The following HS6ST2 variants were observed in gnomAD, a reference collection of about 807,000 sequenced individuals.
HS6ST2 encodes heparan-sulfate 6-O-sulfotransferase 2.
Under a neutral mutation model 33.0 loss-of-function variants are expected in HS6ST2, and 17 were observed. That is an observed-to-expected ratio of 0.52 (90% CI 0.35 to 0.77). The LOEUF is 0.77. HS6ST2 is among the 30% of genes least tolerant of loss of function. The probability of loss-of-function intolerance (pLI) is 0.01; values close to 1 mark genes in which losing one functional copy is unlikely to be tolerated. For missense variants in HS6ST2, 519 were observed against 551.7 expected, an observed-to-expected ratio of 0.94 and a Z score of 0.59; for synonymous variants, 248 against 237.1, an observed-to-expected ratio of 1.05 and a Z score of -0.42.
chrX:132,785,630 C>T (rs191584978), intron 2 of HS6ST2, among the ~76,000 whole-genome samples: 4 of 111,558 alleles, frequency 3.6e-5, no homozygotes, highest in East Asian at 2.8e-4. Flanking sequence ...TGAATTGAAG[C>T]GCAAAAATAC....
intron 3 of HS6ST2, among the ~76,000 whole-genome samples, chrX:132,686,080 T>C (rs1247799568): frequency 8.9e-6 from 1 of 112,126 alleles, no homozygotes; most frequent in Non-Finnish European, 1.9e-5. Context: ...CAAGCTGAAA[T>C]GTTCCCTGCC....
At chrX:132,886,748 G>GA (rs2066256899) in intron 2 of HS6ST2, among the ~76,000 whole-genome samples, 1 of 111,138 alleles carries the variant, frequency 9.0e-6, no homozygotes, top group Non-Finnish European at 1.9e-5. Context: ...AGAAACAACA[G>GA]AAAAAAGCCT....
At chrX:132,754,722 C>CT (rs1182029616) in intron 2 of HS6ST2, among the ~76,000 whole-genome samples, 332 of 106,955 alleles carry the variant, frequency 3.1e-3, no homozygotes, top group African/African-American at 7.8e-3. Flanking sequence ...GGCCTGCACC[C>CT]TTTTTTTTTG....
At chrX:132,860,635 G>A (rs1189190743) in intron 2 of HS6ST2, among the ~76,000 whole-genome samples, 1 of 111,571 alleles carries the variant, frequency 9.0e-6, no homozygotes, top group Non-Finnish European at 1.9e-5. Flanking sequence ...TTCTGTGACT[G>A]TGTTTCCATT....
intron 4 of HS6ST2, among the ~76,000 whole-genome samples, chrX:132,655,512 G>A (rs1017659357): frequency 9.0e-6 from 1 of 111,394 alleles, no homozygotes; most frequent in African/African-American, 3.3e-5. Flanking sequence ...CTTGTCCAAG[G>A]TACTAGAGCT....
intron 2 of HS6ST2, among the ~76,000 whole-genome samples, chrX:132,767,475 A>G (rs1177357633): frequency 2.7e-5 from 3 of 112,250 alleles, no homozygotes; most frequent in Admixed American, 1.9e-4. Flanking sequence ...TGGGAATAGT[A>G]ATAATTTCCA....
At chrX:132,947,462 A>G (rs763011404) in intron 2 of HS6ST2, among the ~76,000 whole-genome samples, 77 of 111,222 alleles carry the variant, frequency 6.9e-4, no homozygotes, top group Non-Finnish European at 1.4e-3. Context: ...TATTAAGCAT[A>G]TGCAAGTTTA....
At position 132,936,055 on chromosome X, in the gene HS6ST2, T is replaced by C. The variant is rs192449622; in HGVS notation, c.947+20753A>G. Among the ~76,000 whole-genome samples the C allele has an allele frequency of 2.3e-4, 15 of 65,710 alleles. No individual in the cohort carries two copies. The Admixed American group carries it at 2.7e-3, about 12-fold the overall frequency. 57.1% of individuals were successfully genotyped at this position (65,710 alleles called of 115,157 possible). A position where few individuals can be genotyped will look rare whatever the true frequency, so the allele number is the denominator to read the frequency against. On this transcript the variant is annotated intron_variant, in intron 2 of 4. Coordinates refer to ENST00000370833, the MANE Select transcript of HS6ST2 (RefSeq NM_001394073.1). ...TAAATTCCATGAAAACAAAAATGGA[T>C]TCTTTGAAGAGATCAACAAAATTGA...
intron 2 of HS6ST2, among the ~76,000 whole-genome samples, chrX:132,730,343 C>T (rs965215422): frequency 9.0e-6 from 1 of 111,731 alleles, no homozygotes; most frequent in African/African-American, 3.3e-5. Flanking sequence ...CACATTTGGC[C>T]TGTAATGCTC....
intron 2 of HS6ST2, among the ~76,000 whole-genome samples, chrX:132,902,677 T>C (rs2066436188): frequency 1.8e-5 from 2 of 111,790 alleles, no homozygotes; most frequent in Non-Finnish European, 3.8e-5. Flanking sequence ...TCCAAAATCA[T>C]GCATATCTTA....
chrX:132,919,513 C>T (rs2066629132), intron 2 of HS6ST2, among the ~76,000 whole-genome samples: 1 of 112,101 alleles, frequency 8.9e-6, no homozygotes, highest in African/African-American at 3.2e-5. Context: ...AGCTGAAAAA[C>T]TAAAGAAAAT....
intron 2 of HS6ST2, among the ~76,000 whole-genome samples, chrX:132,795,804 T>G (rs2065172073): frequency 9.0e-6 from 1 of 111,038 alleles, no homozygotes; most frequent in African/African-American, 3.3e-5. Context: ...GGACAGGGTT[T>G]TGCCATGTTG....
intron 2 of HS6ST2, among the ~76,000 whole-genome samples, chrX:132,813,812 C>T (rs2065371987): frequency 9.0e-6 from 1 of 110,993 alleles, no homozygotes; most frequent in Admixed American, 9.7e-5. Flanking sequence ...CCTCTGATCT[C>T]CCCTCCATTT....
At chrX:132,920,174 A>G (rs2066637828) in intron 2 of HS6ST2, among the ~76,000 whole-genome samples, 1 of 110,617 alleles carries the variant, frequency 9.0e-6, no homozygotes, top group African/African-American at 3.3e-5. Flanking sequence ...CCATCCACCC[A>G]CCAAAAGGAT....
intron 2 of HS6ST2, among the ~76,000 whole-genome samples, chrX:132,751,994 A>G (rs1292077199): frequency 2.7e-5 from 3 of 112,161 alleles, no homozygotes; most frequent in Non-Finnish European, 5.6e-5. Context: ...TTATAGATAA[A>G]GACACTGTGG....
chrX:132,731,900 C>T (rs1299042143), intron 2 of HS6ST2, among the ~76,000 whole-genome samples: 1 of 110,600 alleles, frequency 9.0e-6, no homozygotes, highest in Non-Finnish European at 1.9e-5. Context: ...CTCCGTGGTT[C>T]TATAGCATCA....
chrX:132,952,536 C>G (rs1033731055), intron 2 of HS6ST2, among the ~76,000 whole-genome samples: 41 of 111,141 alleles, frequency 3.7e-4, no homozygotes, highest in African/African-American at 1.3e-3. Flanking sequence ...GAGGCATGAT[C>G]AGGTACACAC....
chrX:132,880,237 G>T (rs1041633593), intron 2 of HS6ST2, among the ~76,000 whole-genome samples: 20 of 111,105 alleles, frequency 1.8e-4, no homozygotes, highest in Non-Finnish European at 2.8e-4. Flanking sequence ...ATAAATACTG[G>T]TAAAAAAGTT....
intron 4 of HS6ST2, among the ~76,000 whole-genome samples, chrX:132,656,637 G>A (rs1428894923): frequency 1.8e-5 from 2 of 111,635 alleles, no homozygotes; most frequent in Non-Finnish European, 3.8e-5. Context: ...TGCTCTGTAT[G>A]CCTTTGCAAA....
Sources: allele counts gnomAD v4.1 joint callset (sites outside exome capture counted in the v4.1 genomes callset), GRCh38; gene constraint gnomAD v4.1.1; transcripts MANE v1.5; gene names NCBI Gene and HGNC (gene_info 2026-07-23, HGNC 2026-07-21).